PJA2: variants seen among roughly 807,000 people sequenced by gnomAD.
PJA2 encodes E3 ubiquitin-protein ligase Praja-2.
PJA2 carries 25 observed loss-of-function variants against 69.3 expected under a neutral mutation model. The observed-to-expected ratio is 0.36, with a 90% CI of 0.26 to 0.50. The LOEUF (loss-of-function observed/expected upper bound fraction) is 0.50, where lower values mean the gene tolerates loss of function less well. Ranked by LOEUF, PJA2 falls within the 20% of genes least tolerant of loss-of-function variation. PJA2 has a pLI of 0.96. For missense variants in PJA2, 809 were observed against 830.2 expected (o/e 0.97, Z 0.31); for synonymous variants, 308 against 277.8 (o/e 1.11, Z -1.08).
intron 4 of PJA2, among the ~76,000 whole-genome samples, chr5:109,371,143 G>T (rs779460551): frequency 6.6e-6 from 1 of 151,958 alleles, no homozygotes; most frequent in Non-Finnish European, 1.5e-5. Context: ...TTTACCATCA[G>T]CTCCTTTAAG....
intron 4 of PJA2, among the ~76,000 whole-genome samples, chr5:109,376,799 C>G (rs1746898728): frequency 1.3e-5 from 2 of 151,796 alleles, no homozygotes; most frequent in African/African-American, 4.8e-5. Context: ...TATATATTTC[C>G]CAGATTTAGA....
chr5:109,385,081 C>T (rs1393394105), intron 1 of PJA2, among the ~76,000 whole-genome samples: 1 of 152,204 alleles, frequency 6.6e-6, no homozygotes, highest in African/African-American at 2.4e-5. Flanking sequence ...ACCCAAAGTG[C>T]TGGGATTACA....
chr5:109,381,269 CTAT>C (rs1747041574), intron 3 of PJA2, among the ~76,000 whole-genome samples: 1 of 152,066 alleles, frequency 6.6e-6, no homozygotes, highest in African/African-American at 2.4e-5. Flanking sequence ...GTAATCACTA[CTAT>C]GAGAGTGTGG....
At chr5:109,347,791 C>G (rs1248377308) in intron 7 of PJA2, among the ~76,000 whole-genome samples, 1 of 152,194 alleles carries the variant, frequency 6.6e-6, no homozygotes, top group Non-Finnish European at 1.5e-5. Flanking sequence ...ATCTGCTAAT[C>G]CTATATTCTT....
chr5:109,367,143 AATAT>A (rs1554054261), intron 5 of PJA2, among the ~76,000 whole-genome samples: 26 of 143,186 alleles, frequency 1.8e-4, no homozygotes, highest in East Asian at 1.2e-3. Flanking sequence ...CAAAAAAAAA[AATAT>A]ATATATATAT....
rs1554054555 is a variant in PJA2, at chr5:109,372,923, A to AGAAAG, written c.1284-4178_1284-4177insCTTTC. Among the ~76,000 whole-genome samples the AGAAAG allele has an allele frequency of 1.5e-5, 2 of 136,788 alleles. 1 individual carries two copies. Among genetic ancestry groups the AGAAAG allele is most frequent in the African/African-American group, 5.5e-5 (2 of 36,048 alleles). The allele number at this position is 136,788 out of a possible 152,430, so 89.7% of individuals were successfully genotyped here. A position where few individuals can be genotyped will look rare whatever the true frequency, so the allele number is the denominator to read the frequency against. On this transcript the variant is annotated intron_variant, in intron 4 of 9. Coordinates refer to ENST00000361189, the MANE Select transcript of PJA2 (RefSeq NM_014819.5). ...TCCGTCTCAAAAAAAAAAAAAAAAA[A>AGAAAG]AAAGAAAGAAAGAAAAAAAAATTAG... is the stretch of plus-strand genomic sequence containing the variant.
intron 1 of PJA2, among the ~76,000 whole-genome samples, chr5:109,394,902 C>G (rs765511114): frequency 2.6e-5 from 4 of 152,096 alleles, no homozygotes; most frequent in Non-Finnish European, 4.4e-5. Flanking sequence ...AATGTCTTAA[C>G]TCTGGGTAGG....
intron 1 of PJA2, among the ~76,000 whole-genome samples, chr5:109,405,605 C>A (rs1423011209): frequency 6.6e-6 from 1 of 152,144 alleles, no homozygotes; most frequent in Admixed American, 6.6e-5. Flanking sequence ...CATATATGAT[C>A]AACTGACTTT....
intron 5 of PJA2, among the ~76,000 whole-genome samples, chr5:109,363,730 T>G (rs1762535226): frequency 1.3e-5 from 2 of 152,224 alleles, no homozygotes; most frequent in Admixed American, 1.3e-4. Flanking sequence ...AACATTTTCT[T>G]ATTTGTTTAC....
At chr5:109,344,865 A>G in intron 7 of PJA2, 46 bp from the exon 8 acceptor site, 1 of 1,269,842 alleles carries the variant, frequency 7.9e-7, no homozygotes, top group Admixed American at 1.9e-5. Flanking sequence ...ACTTTAAAAC[A>G]GTAACAGAAA....
At chr5:109,354,204 A>T (rs141288688) in intron 7 of PJA2, among the ~76,000 whole-genome samples, 3,991 of 51,218 alleles carry the variant, frequency 0.078, 350 homozygotes, top group Non-Finnish European at 0.16. Context: ...ATCTAGAGAT[A>T]TCTATAGATT....
intron 1 of PJA2, among the ~76,000 whole-genome samples, chr5:109,408,207 G>A (rs182658671): frequency 6.6e-6 from 1 of 152,122 alleles, no homozygotes; most frequent in African/African-American, 2.4e-5. Flanking sequence ...AGAAGTGGAA[G>A]CGGTAATTTT....
intron 1 of PJA2, among the ~76,000 whole-genome samples, chr5:109,390,217 C>G (rs1455625409): frequency 6.6e-6 from 1 of 151,926 alleles, no homozygotes; most frequent in Non-Finnish European, 1.5e-5. Flanking sequence ...GAATACAGAT[C>G]TACCTTTCTT....
intron 1 of PJA2, among the ~76,000 whole-genome samples, chr5:109,387,878 G>A (rs1747195122): frequency 6.6e-6 from 1 of 152,136 alleles, no homozygotes; most frequent in African/African-American, 2.4e-5. Flanking sequence ...TTGTCTGACA[G>A]TATATTTAAA....
At chr5:109,343,458 C>T (rs906531936) in intron 9 of PJA2, among the ~76,000 whole-genome samples, 4 of 147,872 alleles carry the variant, frequency 2.7e-5, no homozygotes, top group Non-Finnish European at 5.9e-5. Flanking sequence ...CTCTCATATA[C>T]ATTTCAGAAA....
chr5:109,337,720 A>G (rs1761972910), intron 9 of PJA2, among the ~76,000 whole-genome samples: 1 of 152,136 alleles, frequency 6.6e-6, no homozygotes, highest in Non-Finnish European at 1.5e-5. Context: ...TTAGCTCAAC[A>G]ATAATCTGAA....
intron 1 of PJA2, among the ~76,000 whole-genome samples, chr5:109,394,131 TC>T (rs1747351247): frequency 1.5e-5 from 2 of 135,336 alleles, no homozygotes; most frequent in Admixed American, 1.7e-4. Context: ...CACTGCAACA[TC>T]CGCCTCCTGG....
intron 1 of PJA2, among the ~76,000 whole-genome samples, chr5:109,405,028 T>G (rs1225432372): frequency 6.6e-6 from 1 of 152,188 alleles, no homozygotes; most frequent in East Asian, 1.9e-4. Context: ...ATAACATGAT[T>G]GTCTACATAG....
At chr5:109,405,827 CAA>C (rs1002791679) in intron 1 of PJA2, among the ~76,000 whole-genome samples, 5 of 151,888 alleles carry the variant, frequency 3.3e-5, no homozygotes, top group African/African-American at 1.2e-4. Flanking sequence ...TTGCATTAAG[CAA>C]AGAGTTCTTA....
Sources: allele counts gnomAD v4.1 joint callset (sites outside exome capture counted in the v4.1 genomes callset), GRCh38; gene constraint gnomAD v4.1.1; transcripts MANE v1.5; gene names NCBI Gene and HGNC (gene_info 2026-07-23, HGNC 2026-07-21).